Variants in NBEAL1 observed in about 807,000 individuals in gnomAD.
NBEAL1 encodes neurobeachin-like protein 1.
Under a neutral mutation model 351.3 loss-of-function variants are expected in NBEAL1, and 273 were observed. The observed-to-expected ratio is 0.78, with a 90% confidence interval of 0.70 to 0.86. The LOEUF is 0.86. Among genes scored for constraint, NBEAL1 ranks in the 40% least tolerant of loss-of-function variants. The pLI is 0.00. For synonymous variants in NBEAL1, 1,050 were observed against 1,086.4 expected (o/e 0.97, Z 0.66); for missense variants, 2,961 against 3,201.3 (o/e 0.92, Z 1.81).
At chr2:203,043,949 C>G (rs1000061903) in intron 3 of NBEAL1, among the ~76,000 whole-genome samples, 2 of 152,056 alleles carry the variant, frequency 1.3e-5, no homozygotes, top group African/African-American at 4.8e-5. Context: ...TGGACTTTGA[C>G]TTTTTTGTTG....
At chr2:203,141,386 T>TTTTTTTTTTTTA (rs1559399473) in intron 31 of NBEAL1, among the ~76,000 whole-genome samples, 1 of 99,006 alleles carries the variant, frequency 1.0e-5, no homozygotes, top group African/African-American at 3.7e-5. Flanking sequence ...TTTTTTTTTT[T>TTTTTTTTTTTTA]TTTTTTTTTT....
At chr2:203,084,000 G>GTGTGTGTGTGTGTGTGTGTA (rs1641092930) in intron 9 of NBEAL1, among the ~76,000 whole-genome samples, 5 of 151,386 alleles carry the variant, frequency 3.3e-5, no homozygotes, top group African/African-American at 1.2e-4. Context: ...GTGTGTGTGT[G>GTGTGTGTGTGTGTGTGTGTA]TGTGTGTGTG....
At chr2:203,188,264 A>G (rs1436824051) in intron 44 of NBEAL1, among the ~76,000 whole-genome samples, 1 of 152,156 alleles carries the variant, frequency 6.6e-6, no homozygotes, top group African/African-American at 2.4e-5. Context: ...ATTAATAAAT[A>G]TATCTACATT....
chr2:203,029,769 T>G (rs1359064808), intron 2 of NBEAL1, among the ~76,000 whole-genome samples: 1 of 152,158 alleles, frequency 6.6e-6, no homozygotes, highest in Non-Finnish European at 1.5e-5. Context: ...TGGTGTATTC[T>G]AAGCCTATTT....
chr2:203,078,998 A>T (rs566826155), intron 8 of NBEAL1, among the ~76,000 whole-genome samples: 75 of 152,342 alleles, frequency 4.9e-4, no homozygotes, highest in Non-Finnish European at 7.8e-4. Context: ...TGATATTTTG[A>T]GTGACTGTAA....
chr2:203,016,379 G>A lies in NBEAL1; in HGVS notation c.-6G>A. 1.3e-6 allele frequency: 2 copies of A among 1,481,646 alleles called. No individual in the cohort carries two copies. The highest frequency in any genetic ancestry group is 1.8e-6 in the Non-Finnish European group (2 of 1,099,164). 91.8% of individuals were successfully genotyped at this position (1,481,646 alleles called of 1,614,324 possible). A position where few individuals can be genotyped will look rare whatever the true frequency, so the allele number is the denominator to read the frequency against. On this transcript the variant is annotated 5_prime_UTR_variant, in exon 2 of 56. Transcript: ENST00000683969. The stretch of plus-strand genomic sequence containing the variant: ...GAAAACTTAAAGTGCCAGAGTGAAA[G>A]CCAGAATGGCATCCAGAGAGAGGCT...
intron 29 of NBEAL1, 61 bp downstream of exon 29, chr2:203,136,835 C>G (rs1055487904): frequency 5.0e-6 from 7 of 1,398,092 alleles, no homozygotes; most frequent in Non-Finnish European, 7.0e-6. Flanking sequence ...TCTAAAATAA[C>G]GTTAGTTATT....
In NBEAL1 at chr2:203,062,951, TATTC is replaced by T. The variant is rs2061524000; in HGVS notation, c.516-5438_516-5435del. The stretch of plus-strand genomic sequence containing the variant: ...GAAATTTAGAAGATATATATTTTCT[TATTC>T]ATTGTGTTTAATGCTTACCAAAATA... On this transcript the variant is annotated intron_variant, in intron 6 of 55. Transcript: ENST00000683969. The surrounding 1 kb of genome is among the most constrained non-coding windows in gnomAD (Gnocchi z 4.2). Among the ~76,000 whole-genome samples, 1 of 152,220 alleles carries T rather than the reference TATTC, an allele frequency of 6.6e-6. No individual in the cohort carries two copies. Among genetic ancestry groups the T allele is most frequent in the Non-Finnish European group, 1.5e-5 (1 of 68,036 alleles).
At chr2:203,090,185 T>C (rs1182190562) in intron 10 of NBEAL1, among the ~76,000 whole-genome samples, 1 of 152,174 alleles carries the variant, frequency 6.6e-6, no homozygotes, top group African/African-American at 2.4e-5. Flanking sequence ...ATGTAAGAAA[T>C]AGGATGTCTT....
At chr2:203,103,298 G>A (rs1219935613) in intron 12 of NBEAL1, among the ~76,000 whole-genome samples, 1 of 151,074 alleles carries the variant, frequency 6.6e-6, no homozygotes, top group East Asian at 1.9e-4. Flanking sequence ...TTTGGAGACA[G>A]AGTCTCTGTC....
chr2:203,157,163 G>GA (rs1469993218), intron 35 of NBEAL1, among the ~76,000 whole-genome samples: 1 of 152,052 alleles, frequency 6.6e-6, no homozygotes, highest in Admixed American at 6.6e-5. Context: ...CTTTTTACAG[G>GA]ATGTTTAGTT....
At chr2:203,133,019 C>T (rs887675520) in intron 26 of NBEAL1, 39 bp from the exon 27 acceptor site, 2 of 864,032 alleles carry the variant, frequency 2.3e-6, no homozygotes, top group African/African-American at 3.5e-5. Flanking sequence ...TTGGTTATCT[C>T]TGGTATTTAA....
rs143093659 is a variant in NBEAL1, at chr2:203,222,290, T to C, written c.*4936T>C. Among the ~76,000 whole-genome samples, 1 of 152,220 alleles carries C rather than the reference T, an allele frequency of 6.6e-6. No individual in the cohort carries two copies. Among genetic ancestry groups the C allele is most frequent in the African/African-American group, 2.4e-5 (1 of 41,460 alleles). On this transcript the variant is annotated 3_prime_UTR_variant, in exon 56 of 56. Transcript: ENST00000683969. The stretch of plus-strand genomic sequence containing the variant: ...TCTGTGGAGTTTATAAATATACAGA[T>C]ATGTAGGCACTGCTTTGGACTTCAT...
chr2:203,096,494 A>AT (rs1235063939), intron 10 of NBEAL1, among the ~76,000 whole-genome samples: 1 of 152,076 alleles, frequency 6.6e-6, no homozygotes, highest in East Asian at 1.9e-4. Flanking sequence ...TATCATTTGA[A>AT]TTTTTTTCAA....
chr2:203,205,981 T>C (rs2065542537), intron 51 of NBEAL1, among the ~76,000 whole-genome samples: 1 of 152,166 alleles, frequency 6.6e-6, no homozygotes, highest in East Asian at 1.9e-4. Context: ...TAATCACAAA[T>C]ACAAATAGCA....
At chr2:203,148,154 A>G (rs746433833) in intron 33 of NBEAL1, among the ~76,000 whole-genome samples, 1 of 152,090 alleles carries the variant, frequency 6.6e-6, no homozygotes, top group Non-Finnish European at 1.5e-5. Flanking sequence ...ACCACAAGTT[A>G]TTGAGAACTT....
In NBEAL1 at chr2:203,144,792, T is replaced by G; in HGVS notation, c.5041T>G (p.Phe1681Val). Reference sequence around the variant, plus strand: ...GGTTTCCAAAATTTATGAGCTTCTCTTCATGAACTTGCACCTACCTTCTTT... The same window carrying G: ...GGTTTCCAAAATTTATGAGCTTCTCGTCATGAACTTGCACCTACCTTCTTT... ...TLVSKIYELL[F>V]MNLHLPSLPF... The change falls in exon 32 of 56, where the codon TTC (phenylalanine) becomes GTC (valine). Residue 1681 changes from phenylalanine to valine, a missense_variant. Physicochemically the swap from Phe to Val is conservative, Grantham distance 50. Transcript: ENST00000683969. 1.2e-6 allele frequency: 2 copies of G among 1,614,132 alleles called. No individual in the cohort carries two copies. Among genetic ancestry groups the G allele is most frequent in the Non-Finnish European group, 1.7e-6 (2 of 1,179,982 alleles).
intron 3 of NBEAL1, 89 bp downstream of exon 3, chr2:203,041,945 A>G (rs2061148877): frequency 4.8e-6 from 4 of 831,388 alleles, no homozygotes; most frequent in South Asian, 1.5e-5. Flanking sequence ...AAGGATGGCA[A>G]TTATGTTACC....
At position 203,083,123 on chromosome 2, in the gene NBEAL1, A is replaced by G. The variant is rs940598816; in HGVS notation, c.685-96A>G. On this transcript the variant is annotated intron_variant, in intron 8 of 55. Coordinates refer to ENST00000683969, the MANE Select transcript of NBEAL1 (RefSeq NM_001378026.1). Reference sequence around the variant, plus strand: ...CAAATTTTTATGTCTTTATTAAAAGAAAAGGTTGCCTGCAGATGTATTAAA... The same window carrying G: ...CAAATTTTTATGTCTTTATTAAAAGGAAAGGTTGCCTGCAGATGTATTAAA... The G allele has an allele frequency of 5.6e-6, 6 of 1,066,522 alleles. No homozygotes were observed. In the African/African-American group the frequency reaches 9.6e-5, roughly 17 times the overall value. The allele number at this position is 1,066,522 out of a possible 1,614,324, so 66.1% of individuals were successfully genotyped here.
Sources: gnomAD v4.1 joint callset for allele counts (sites outside exome capture counted in the v4.1 genomes callset) on GRCh38, gnomAD v4.1.1 for gene constraint, Gnocchi (gnomAD v3.1) non-coding constraint, MANE v1.5 for transcripts, NCBI Gene and HGNC (gene_info 2026-07-23, HGNC 2026-07-21) for gene names.